Variants in DGKG observed in about 807,000 individuals in gnomAD.
DGKG encodes the protein diacylglycerol kinase gamma.
A neutral mutation model predicts 105.3 loss-of-function variants in DGKG; 78 were observed. The ratio of observed to expected loss-of-function variants is 0.74; its 90% confidence interval spans 0.62 to 0.89. The LOEUF (loss-of-function observed/expected upper bound fraction) is 0.89. Among genes scored for constraint, DGKG ranks in the 40% least tolerant of loss-of-function variants. The pLI, the probability that DGKG is intolerant of heterozygous loss-of-function variation, is 0.00. For missense variants in DGKG, 958 were observed against 1,020.1 expected (o/e 0.94, Z 0.83); for synonymous variants, 346 against 367.1 (o/e 0.94, Z 0.66).
intron 19 of DGKG, among the ~76,000 whole-genome samples, chr3:186,242,905 G>A (rs1362271441): frequency 6.6e-6 from 1 of 152,166 alleles, no homozygotes; most frequent in African/African-American, 2.4e-5. Flanking sequence ...GAGTCTGTGA[G>A]CAGTTAGAGA....
intron 20 of DGKG, among the ~76,000 whole-genome samples, chr3:186,221,832 C>G (rs901675384): frequency 3.3e-5 from 5 of 152,274 alleles, no homozygotes; most frequent in Admixed American, 3.3e-4. Flanking sequence ...AGAGGCAAAC[C>G]CTGGAAGCAG....
intron 1 of DGKG, among the ~76,000 whole-genome samples, chr3:186,342,759 A>G (rs1032729322): frequency 2.0e-5 from 3 of 152,156 alleles, no homozygotes; most frequent in African/African-American, 7.2e-5. Flanking sequence ...GGCAGTCTAA[A>G]AAGTTAAAAA....
chr3:186,333,718 C>T (rs1460386424), intron 1 of DGKG, among the ~76,000 whole-genome samples: 1 of 152,180 alleles, frequency 6.6e-6, no homozygotes, highest in Admixed American at 6.5e-5. Context: ...GCTAGCAGCT[C>T]ATTCCCACAC....
At chr3:186,188,056 T>C (rs1480261675) in intron 22 of DGKG, 146 bp downstream of exon 22, 12 of 946,844 alleles carry the variant, frequency 1.3e-5, no homozygotes, top group Admixed American at 9.7e-5. Flanking sequence ...GTTGTAAACT[T>C]TGCAACATCG....
chr3:186,200,022 T>A (rs1392049960), intron 21 of DGKG, among the ~76,000 whole-genome samples: 1 of 152,112 alleles, frequency 6.6e-6, no homozygotes, highest in East Asian at 1.9e-4. Flanking sequence ...ACCTATGAGA[T>A]CGCATTTAGA....
intron 5 of DGKG, 23 bp downstream of exon 5, chr3:186,297,398 A>G: frequency 6.3e-7 from 1 of 1,590,056 alleles, no homozygotes; most frequent in African/African-American, 1.3e-5. Context: ...TTTTCCCACA[A>G]GTCTTATATT....
At chr3:186,347,186 C>G (rs559789178) in intron 1 of DGKG, among the ~76,000 whole-genome samples, 56 of 152,110 alleles carry the variant, frequency 3.7e-4, no homozygotes, top group African/African-American at 1.3e-3. Context: ...GGGCGGCTCA[C>G]CCCCGTAATC....
intron 3 of DGKG, among the ~76,000 whole-genome samples, chr3:186,301,994 C>T (rs564256524): frequency 6.6e-6 from 1 of 152,300 alleles, no homozygotes; most frequent in African/African-American, 2.4e-5. Context: ...GCACTCTACC[C>T]TGCATGAACT....
rs148424063 is a variant in DGKG, at chr3:186,256,463, T to C, written c.1510+1391A>G. The stretch of plus-strand genomic sequence containing the variant: ...CTGGCCACTTCTCACCACCACTCTG[T>C]TTCTCCTGTGGTCCAAGCCCTGGAC... On this transcript the variant is annotated intron_variant, in intron 17 of 24. Transcript: ENST00000265022. Among the ~76,000 whole-genome samples, 318 of 152,278 alleles carry C rather than the reference T, an allele frequency of 2.1e-3. 1 individual carries two copies. The highest frequency in any genetic ancestry group is 7.1e-3 in the African/African-American group (295 of 41,554).
intron 5 of DGKG, among the ~76,000 whole-genome samples, chr3:186,292,424 T>C (rs1465091725): frequency 6.6e-6 from 1 of 152,212 alleles, no homozygotes; most frequent in East Asian, 1.9e-4. Context: ...GGGGATTGCA[T>C]TAAAACTGAT....
intron 3 of DGKG, among the ~76,000 whole-genome samples, chr3:186,301,275 A>G (rs1034331238): frequency 3.3e-5 from 5 of 152,102 alleles, no homozygotes; most frequent in African/African-American, 1.2e-4. Flanking sequence ...TATCTTGCCT[A>G]TCCTTGCCCT....
intron 22 of DGKG, among the ~76,000 whole-genome samples, chr3:186,167,448 T>G (rs931877992): frequency 2.0e-5 from 3 of 152,344 alleles, no homozygotes; most frequent in Non-Finnish European, 2.9e-5. Flanking sequence ...ACCGCTTCCA[T>G]TTTTTAGGAA....
intron 21 of DGKG, among the ~76,000 whole-genome samples, chr3:186,208,996 C>T (rs1013328262): frequency 2.0e-5 from 3 of 151,212 alleles, no homozygotes; most frequent in African/African-American, 2.4e-5. Context: ...TGCCTTGCTG[C>T]GTTGTCATAG....
intron 2 of DGKG, among the ~76,000 whole-genome samples, chr3:186,311,613 G>T (rs78046519): frequency 6.1e-4 from 93 of 152,276 alleles, no homozygotes; most frequent in African/African-American, 2.2e-3. Context: ...CCTAAACCAA[G>T]CACTGTTCCT....
intron 22 of DGKG, among the ~76,000 whole-genome samples, chr3:186,184,028 G>A (rs1010340059): frequency 6.6e-6 from 1 of 152,088 alleles, no homozygotes; most frequent in African/African-American, 2.4e-5. Flanking sequence ...CTTAGTGGTA[G>A]TGCAGGTGGA....
chr3:186,187,487 G>A (rs966106490), intron 22 of DGKG, among the ~76,000 whole-genome samples: 10 of 152,192 alleles, frequency 6.6e-5, no homozygotes, highest in African/African-American at 1.9e-4. Context: ...GTTTGGGGGA[G>A]GGACAGCAGA....
At chr3:186,299,839 T>TCC (rs1560142099) in intron 3 of DGKG, among the ~76,000 whole-genome samples, 24 of 77,340 alleles carry the variant, frequency 3.1e-4, no homozygotes, top group African/African-American at 1.3e-3. Flanking sequence ...CTTTCTTTCT[T>TCC]TTTTTTTTTT....
intron 1 of DGKG, among the ~76,000 whole-genome samples, chr3:186,347,107 A>T (rs1183760628): frequency 6.6e-6 from 1 of 151,936 alleles, no homozygotes; most frequent in Non-Finnish European, 1.5e-5. Context: ...TTAAAACAGC[A>T]TATATTTAGA....
At chr3:186,260,186 C>T (rs78563782) in intron 16 of DGKG, among the ~76,000 whole-genome samples, 7,894 of 152,230 alleles carry the variant, frequency 0.052, 285 homozygotes, top group Non-Finnish European at 0.079. Context: ...GTGCAGTTTT[C>T]CCCCTCTTAT....
Sources: allele counts gnomAD v4.1 joint callset (sites outside exome capture counted in the v4.1 genomes callset), GRCh38; gene constraint gnomAD v4.1.1; transcripts MANE v1.5; gene names NCBI Gene and HGNC (gene_info 2026-07-23, HGNC 2026-07-21).